CRPPA: variants seen among roughly 807,000 people sequenced by gnomAD.
CRPPA encodes the protein CDP-L-ribitol pyrophosphorylase A, also known as D-ribitol-5-phosphate cytidylyltransferase.
A neutral mutation model predicts 52.0 loss-of-function variants in CRPPA; 43 were observed. The ratio of observed to expected loss-of-function variants is 0.83; its 90% CI spans 0.65 to 1.07. The LOEUF (loss-of-function observed/expected upper bound fraction) is 1.07. Ranked by LOEUF, CRPPA falls within the 50% of genes least tolerant of loss-of-function variation. The pLI is 0.00. For missense variants in CRPPA, 629 were observed against 551.7 expected, an observed-to-expected ratio of 1.14 and a Z score of -1.40; for synonymous variants, 250 against 203.5, an observed-to-expected ratio of 1.23 and a Z score of -1.94.
chr7:16,255,245 G>C (rs1164049463), intron 8 of CRPPA, among the ~76,000 whole-genome samples: 1 of 152,162 alleles, frequency 6.6e-6, no homozygotes, highest in Non-Finnish European at 1.5e-5. Flanking sequence ...GAATGTGAAA[G>C]AGCTCTTCAA....
At chr7:16,314,944 C>T (rs1785113024) in intron 3 of CRPPA, among the ~76,000 whole-genome samples, 1 of 152,004 alleles carries the variant, frequency 6.6e-6, no homozygotes, top group Non-Finnish European at 1.5e-5. Context: ...GAGAAATTTC[C>T]AGTCATTGTT....
At chr7:16,331,259 A>C (rs902094747) in intron 3 of CRPPA, among the ~76,000 whole-genome samples, 3 of 152,156 alleles carry the variant, frequency 2.0e-5, no homozygotes, top group African/African-American at 7.2e-5. Flanking sequence ...TCGGCCTCCC[A>C]AAGTGCTGGG....
intron 2 of CRPPA, 72 bp downstream of exon 2, chr7:16,405,989 A>C (rs890314985): frequency 1.5e-6 from 2 of 1,358,666 alleles, no homozygotes; most frequent in Admixed American, 4.5e-5. Flanking sequence ...AACAGAATTG[A>C]ATCAAAATTC....
chr7:16,099,353 G>A (rs1439648533), intron 9 of CRPPA, among the ~76,000 whole-genome samples: 2 of 144,178 alleles, frequency 1.4e-5, no homozygotes, highest in African/African-American at 5.1e-5. Context: ...AGGAAGGGGA[G>A]GGAAGGGGAG....
intron 9 of CRPPA, among the ~76,000 whole-genome samples, chr7:16,163,880 G>A (rs937506233): frequency 2.6e-5 from 4 of 152,224 alleles, no homozygotes; most frequent in African/African-American, 9.6e-5. Context: ...TCTGCTGAGA[G>A]ATCTGCTGTT....
intron 9 of CRPPA, among the ~76,000 whole-genome samples, chr7:16,110,748 G>A (rs1396970418): frequency 6.6e-6 from 1 of 152,044 alleles, no homozygotes; most frequent in Non-Finnish European, 1.5e-5. Flanking sequence ...TCCACATTCA[G>A]AAGAATGAAA....
At position 16,193,986 on chromosome 7, in the gene CRPPA, C is replaced by T. The variant is rs553539417; in HGVS notation, c.1251+22080G>A. Reference sequence around the variant, plus strand: ...TTTTTATACATTTTGGCTGATATCACGAAAATTGAAAACACCAATGGTGAA... The same window carrying T: ...TTTTTATACATTTTGGCTGATATCATGAAAATTGAAAACACCAATGGTGAA... On this transcript the variant is annotated intron_variant, in intron 9 of 9. Coordinates refer to ENST00000407010, the MANE Select transcript of CRPPA (RefSeq NM_001101426.4). Among the ~76,000 whole-genome samples the T allele has an allele frequency of 7.9e-5, 12 of 152,036 alleles. No homozygotes were observed. The South Asian group carries it at 8.3e-4, about 11-fold the overall frequency.
intron 8 of CRPPA, among the ~76,000 whole-genome samples, chr7:16,241,919 CTTG>C (rs1783118666): frequency 8.4e-6 from 1 of 118,802 alleles, no homozygotes; most frequent in Non-Finnish European, 1.8e-5. Context: ...GCCTATAAAT[CTTG>C]TTTAATGTAG....
chr7:16,338,820 T>A (rs1009837872), intron 3 of CRPPA, among the ~76,000 whole-genome samples: 1 of 149,458 alleles, frequency 6.7e-6, no homozygotes, highest in Non-Finnish European at 1.5e-5. Context: ...AAACTTTTTT[T>A]TTTTTTTTTT....
At chr7:16,401,653 C>T (rs923759140) in intron 2 of CRPPA, among the ~76,000 whole-genome samples, 1 of 152,174 alleles carries the variant, frequency 6.6e-6, no homozygotes, top group Non-Finnish European at 1.5e-5. Context: ...GTTGGTCCTT[C>T]TTAAAATTAT....
intron 8 of CRPPA, among the ~76,000 whole-genome samples, chr7:16,240,136 T>A (rs1253315826): frequency 6.6e-6 from 1 of 151,504 alleles, no homozygotes; most frequent in Non-Finnish European, 1.5e-5. Flanking sequence ...ACACCGTCAA[T>A]TCTTTCTATT....
chr7:16,362,831 CCTTT>C (rs1240427113), intron 3 of CRPPA, among the ~76,000 whole-genome samples: 27 of 152,126 alleles, frequency 1.8e-4, no homozygotes, highest in African/African-American at 6.5e-4. Flanking sequence ...TTTTACTCTT[CCTTT>C]TTTTGGCTTG....
chr7:16,094,219 T>C (rs1487369374), intron 9 of CRPPA, among the ~76,000 whole-genome samples: 1 of 152,196 alleles, frequency 6.6e-6, no homozygotes, highest in Non-Finnish European at 1.5e-5. Flanking sequence ...CAAGAATCTA[T>C]GTCATTCTAC....
At chr7:16,218,755 A>G (rs1562565250) in intron 8 of CRPPA, among the ~76,000 whole-genome samples, 1 of 132,828 alleles carries the variant, frequency 7.5e-6, no homozygotes, top group Non-Finnish European at 1.6e-5. Flanking sequence ...TCCTAAATAT[A>G]TATGCACCCA....
chr7:16,166,653 T>C (rs1028987096), intron 9 of CRPPA, among the ~76,000 whole-genome samples: 1 of 152,158 alleles, frequency 6.6e-6, no homozygotes, highest in East Asian at 1.9e-4. Context: ...TGGTTAAAAA[T>C]ACATTGTCCT....
At chr7:16,274,950 T>C (rs1784169865) in intron 6 of CRPPA, among the ~76,000 whole-genome samples, 1 of 152,016 alleles carries the variant, frequency 6.6e-6, no homozygotes, top group Admixed American at 6.6e-5. Flanking sequence ...AGACATTATC[T>C]ACTATAAAAC....
In CRPPA at chr7:16,376,057, T is replaced by C. The variant is rs757406744; in HGVS notation, c.684+35A>G. The C allele has an allele frequency of 1.2e-5, 18 of 1,543,962 alleles. 1 individual carries two copies. The South Asian group carries it at 1.8e-4, about 16-fold the overall frequency. Reference sequence around the variant, plus strand: ...TGGAGGTTGTTTGGGGAACCTGACATAACAGCAGCTTATTCAAAAAGCCCA... The same window carrying C: ...TGGAGGTTGTTTGGGGAACCTGACACAACAGCAGCTTATTCAAAAAGCCCA... On this transcript the variant is annotated intron_variant, in intron 3 of 9. Transcript: ENST00000407010.
intron 2 of CRPPA, among the ~76,000 whole-genome samples, chr7:16,402,957 A>G (rs1236370817): frequency 1.3e-5 from 2 of 152,186 alleles, no homozygotes. Flanking sequence ...AAAGCAAGGG[A>G]AAAAGTCTAT....
chr7:16,172,672 C>T (rs556126722), intron 9 of CRPPA, among the ~76,000 whole-genome samples: 1 of 152,166 alleles, frequency 6.6e-6, no homozygotes, highest in Admixed American at 6.5e-5. Flanking sequence ...ACTCTCTCTC[C>T]TATGTGATCC....
Sources: allele counts gnomAD v4.1 joint callset (sites outside exome capture counted in the v4.1 genomes callset), GRCh38; gene constraint gnomAD v4.1.1; transcripts MANE v1.5; gene names NCBI Gene and HGNC (gene_info 2026-07-23, HGNC 2026-07-21).